ISL2: variants seen among roughly 807,000 people sequenced by gnomAD.
ISL2 encodes the protein insulin gene enhancer protein ISL-2.
A neutral mutation model predicts 34.6 loss-of-function variants in ISL2; 17 were observed. The observed-to-expected ratio is 0.49, with a 90% confidence interval of 0.34 to 0.74. The LOEUF (loss-of-function observed/expected upper bound fraction) is 0.74, where lower values mean the gene tolerates loss of function less well. Among genes scored for constraint, ISL2 ranks in the 30% least tolerant of loss-of-function variants. The pLI is 0.01. For missense variants in ISL2, 469 were observed against 515.2 expected (o/e 0.91, Z 0.87); for synonymous variants, 232 against 225.5 (o/e 1.03, Z -0.26).
At chr15:76,341,341 C>T in intron 5 of ISL2, 40 bp downstream of exon 5, 3 of 1,321,402 alleles carry the variant, frequency 2.3e-6, no homozygotes, top group Non-Finnish European at 3.0e-6. Flanking sequence ...CGGGACTCTG[C>T]GGGTTGGGGA....
Position 76,338,383 on chromosome 15 carries a change from G to A in ISL2, c.380G>A (p.Gly127Glu), listed in dbSNP as rs2040168515. Reference protein sequence around the residue: ...CSVCSRQLLPGDEFSLREHEL... With the variant: ...CSVCSRQLLPEDEFSLREHEL... ...GTGTGCAGCCGCCAGCTGCTGCCTG[G>A]GGACGAGTTCTCGCTGCGGGAGCAC... Residue 127 changes from glycine to glutamate, a missense_variant, in exon 3 of 6, where the codon GGG becomes GAG. Transcript: ENST00000290759. 1 of 1,546,222 alleles carries A rather than the reference G, an allele frequency of 6.5e-7. No homozygotes were observed. The highest frequency in any genetic ancestry group is 1.9e-5 in the Admixed American group (1 of 53,818).
rs772957900 is a variant in ISL2 at position 76,336,846 on chromosome 15, C to T, written c.-38C>T. On this transcript the variant is annotated 5_prime_UTR_variant, in exon 1 of 6. Transcript: ENST00000290759. ...CGGGCGCGCGACCCTCGTCCTTCTGCCCCTGGCCGCACACTTTGCGCACAT... is the reference window on the plus strand; with the variant it reads ...CGGGCGCGCGACCCTCGTCCTTCTGTCCCTGGCCGCACACTTTGCGCACAT... 10 of 1,589,542 alleles carry T rather than the reference C, an allele frequency of 6.3e-6. No homozygotes were observed. Among genetic ancestry groups the T allele is most frequent in the Non-Finnish European group, 6.9e-6 (8 of 1,157,772 alleles).
At position 76,340,550 on chromosome 15, in the gene ISL2, C is replaced by G; in HGVS notation, c.786C>G (p.Ser262Arg). The G allele has an allele frequency of 6.2e-7, 1 of 1,606,082 alleles. No homozygotes were observed. Among genetic ancestry groups the G allele is most frequent in the South Asian group, 1.1e-5 (1 of 90,786 alleles). ...LMKQLQQQQH[S>R]DKTSLQGLTG... is the part of the protein sequence containing the mutation. ...AGCAGCTGCAGCAGCAGCAGCACAGCGACAAGACGGTGAGCAGCCGCTGGG... is the reference window on the plus strand; with the variant it reads ...AGCAGCTGCAGCAGCAGCAGCACAGGGACAAGACGGTGAGCAGCCGCTGGG... Residue 262 changes from serine to arginine, a missense_variant, in exon 4 of 6, where the codon AGC (serine) becomes AGG (arginine). This residue lies in a region of ISL2 where 169 missense variants were observed against 154.2 expected (regional missense o/e 1.10). Transcript: ENST00000290759.
At position 76,336,998 on chromosome 15, in the gene ISL2, A is replaced by G. The variant is rs1031816548; in HGVS notation, c.58+57A>G. On this transcript the variant is annotated intron_variant, in intron 1 of 5. Transcript: ENST00000290759. ...TGTGTGTGTATGCTTAATATGCAAAATTTCTAATGCAGAAAAATGTTTAGT... is the reference window on the plus strand; with the variant it reads ...TGTGTGTGTATGCTTAATATGCAAAGTTTCTAATGCAGAAAAATGTTTAGT... 11 of 1,459,012 alleles carry G rather than the reference A, an allele frequency of 7.5e-6. No homozygotes were observed. The Admixed American group carries it at 1.9e-4, about 25-fold the overall frequency. 90.4% of individuals were successfully genotyped at this position (1,459,012 alleles called of 1,614,324 possible).
chr15:76,340,525 A>AGCAGCT lies in ISL2; in HGVS notation c.767_772dup (p.Leu256_Gln257dup). Reference sequence around the variant, plus strand: ...GACAAGAAGAAATCCATTCTCATGAAGCAGCTGCAGCAGCAGCAGCACAGC... The same window carrying AGCAGCT: ...GACAAGAAGAAATCCATTCTCATGAAGCAGCTGCAGCTGCAGCAGCAGCAGCACAGC... On this transcript the variant is annotated inframe_insertion, in exon 4 of 6. Transcript: ENST00000290759. The AGCAGCT allele has an allele frequency of 6.2e-7, 1 of 1,611,036 alleles. No homozygotes were observed. The highest frequency in any genetic ancestry group is 2.2e-5 in the East Asian group (1 of 44,818).
chr15:76,339,654 G>A (rs2040178809), intron 3 of ISL2: 4 of 985,724 alleles, frequency 4.1e-6, no homozygotes, highest in Non-Finnish European at 4.8e-6. Context: ...GAGCCTTGAG[G>A]AAGGAGACAG....
intron 2 of ISL2, 73 bp from the exon 3 acceptor site, chr15:76,338,179 G>A (rs555523443): frequency 3.4e-6 from 5 of 1,486,806 alleles, no homozygotes; most frequent in Admixed American, 2.1e-5. Flanking sequence ...GGCGCGCGCC[G>A]GAGCCGTAGC....
chr15:76,338,494 C>T lies in ISL2; in HGVS notation c.491C>T (p.Ala164Val), dbSNP rs763239698. 1 of 1,318,046 alleles carries T rather than the reference C, an allele frequency of 7.6e-7. No individual in the cohort carries two copies. Among genetic ancestry groups the T allele is most frequent in the East Asian group, 2.9e-5 (1 of 34,118 alleles). 81.6% of individuals were successfully genotyped at this position (1,318,046 alleles called of 1,614,324 possible). ...SPRSPGPLPG[A>V]RGLHLPDAGS... ...CGCAGCCCCGGCCCGCTTCCCGGCGCCCGCGGCCTGCATCTGCCCGGTAAG... is the reference window on the plus strand; with the variant it reads ...CGCAGCCCCGGCCCGCTTCCCGGCGTCCGCGGCCTGCATCTGCCCGGTAAG... Residue 164 changes from alanine (A) to valine (V), a missense_variant, in exon 3 of 6, where the codon GCC becomes GTC. By Grantham distance (64) the Ala-to-Val change is moderately conservative (BLOSUM62 0). Coordinates refer to ENST00000290759, the MANE Select transcript of ISL2 (RefSeq NM_145805.3).
intron 1 of ISL2, 79 bp downstream of exon 1, chr15:76,337,020 T>C (rs1404954357): frequency 3.9e-6 from 5 of 1,279,538 alleles, no homozygotes; most frequent in African/African-American, 3.0e-5. Flanking sequence ...GAAAAATGTT[T>C]AGTGGATTCT....
rs933430154 is a variant in ISL2, at chr15:76,340,924, T to C, written c.796-210T>C. On this transcript the variant is annotated intron_variant, in intron 4 of 5. Coordinates refer to ENST00000290759, the MANE Select transcript of ISL2 (RefSeq NM_145805.3). Reference sequence around the variant, plus strand: ...GCCTTTCCTCACCGGGCGGTTGGCTTCCAGCACCGAGGCTGACCTATCGTG... The same window carrying C: ...GCCTTTCCTCACCGGGCGGTTGGCTCCCAGCACCGAGGCTGACCTATCGTG... Among the ~76,000 whole-genome samples the C allele has an allele frequency of 3.3e-5, 5 of 152,226 alleles. No homozygotes were observed. In the South Asian group the frequency reaches 1.0e-3, roughly 31 times the overall value.
At chr15:76,338,737 G>C in intron 3 of ISL2, 1 of 985,470 alleles carries the variant, frequency 1.0e-6, no homozygotes, top group Non-Finnish European at 1.2e-6. Flanking sequence ...TGAGCACGGA[G>C]AATTGTGCAG....
chr15:76,340,812 CTGCAT>C (rs1295153894), intron 4 of ISL2, among the ~76,000 whole-genome samples: 3 of 152,252 alleles, frequency 2.0e-5, no homozygotes, highest in African/African-American at 7.2e-5. Context: ...GAGCCCAAGG[CTGCAT>C]GGCAGTGTGC....
chr15:76,338,834 C>G (rs2040172289), intron 3 of ISL2: 4 of 985,086 alleles, frequency 4.1e-6, no homozygotes, highest in Non-Finnish European at 4.8e-6. Context: ...AAGTGGTGTC[C>G]GTCTTGGGGC....
chr15:76,337,425 A>C, intron 1 of ISL2: 1 of 335,126 alleles, frequency 3.0e-6, no homozygotes, highest in Non-Finnish European at 5.4e-6. Context: ...ATGCCAGGAC[A>C]GCACCGTTAG....
At position 76,340,467 on chromosome 15, in the gene ISL2, A is replaced by G. The variant is rs1331653789; in HGVS notation, c.703A>G (p.Ile235Val). 6.2e-7 allele frequency: 1 copy of G among 1,613,852 alleles called. No individual in the cohort carries two copies. The highest frequency in any genetic ancestry group is 8.5e-7 in the Non-Finnish European group (1 of 1,180,008). ...GATGACCGGCCTGAGCCCGCGGGTC[A>G]TCCGCGTCTGGTTCCAGAACAAGCG... is the stretch of plus-strand genomic sequence containing the variant. ...VEMTGLSPRV[I>V]RVWFQNKRCK... is the part of the protein sequence containing the mutation. The change falls in exon 4 of 6, where the codon ATC (isoleucine) becomes GTC (valine). Residue 235 changes from isoleucine (I) to valine (V), a missense_variant. By Grantham distance (29) the Ile-to-Val change is conservative (BLOSUM62 3). Coordinates refer to ENST00000290759, the MANE Select transcript of ISL2 (RefSeq NM_145805.3).
chr15:76,340,134 G>C, intron 3 of ISL2, 142 bp from the exon 4 acceptor site: 1 of 1,426,026 alleles, frequency 7.0e-7, no homozygotes, highest in South Asian at 1.5e-5. Flanking sequence ...CAGATGGAGA[G>C]GAAGACGAAC....
chr15:76,340,309 C>T lies in ISL2; in HGVS notation c.545C>T (p.Pro182Leu). 6.2e-7 allele frequency: 1 copy of T among 1,609,584 alleles called. No individual in the cohort carries two copies. The highest frequency in any genetic ancestry group is 8.5e-7 in the Non-Finnish European group (1 of 1,178,942). ...AGSGRQPALR[P>L]HVHKQTEKTT... is the part of the protein sequence containing the mutation. ...TCGGGCCGGCAGCCCGCGTTGCGCC[C>T]GCACGTGCACAAGCAGACGGAGAAG... The change falls in exon 4 of 6, where the codon CCG becomes CTG. Residue 182 changes from proline (P) to leucine (L), a missense_variant. Around this residue, in one of 3 missense-constraint regions of ISL2, gnomAD observed 297 missense variants for 337.8 expected, o/e 0.88. Transcript: ENST00000290759.
At position 76,341,252 on chromosome 15, in the gene ISL2, G is replaced by A; in HGVS notation, c.914G>A (p.Ser305Asn). ...QTYQPPWKAL[S>N]EFALQSDLDQ... ...TACCAGCCGCCGTGGAAGGCGCTCA[G>A]CGAGTTTGCCCTCCAGAGCGACCTG... The change falls in exon 5 of 6, where the codon AGC (serine) becomes AAC (asparagine). Residue 305 changes from serine (S) to asparagine (N), a missense_variant. Coordinates refer to ENST00000290759, the MANE Select transcript of ISL2 (RefSeq NM_145805.3). 6.2e-7 allele frequency: 1 copy of A among 1,610,750 alleles called. No homozygotes were observed. Among genetic ancestry groups the A allele is most frequent in the Non-Finnish European group, 8.5e-7 (1 of 1,178,958 alleles).
intron 4 of ISL2, among the ~76,000 whole-genome samples, chr15:76,340,883 T>C (rs1410860765): frequency 6.6e-6 from 1 of 152,182 alleles, no homozygotes; most frequent in East Asian, 1.9e-4. Flanking sequence ...TGCAGAAAGG[T>C]GGGAGTGCAG....
Sources: allele counts gnomAD v4.1 joint callset (sites outside exome capture counted in the v4.1 genomes callset), GRCh38; gene constraint gnomAD v4.1.1; regional missense constraint gnomAD v4.1.1; transcripts MANE v1.5; gene names NCBI Gene and HGNC (gene_info 2026-07-23, HGNC 2026-07-21).